AFF1: variants seen among roughly 807,000 people sequenced by gnomAD.
AFF1 encodes the protein AF4/FMR2 family member 1.
AFF1 carries 48 observed loss-of-function variants against 121.7 expected under a neutral mutation model. The ratio of observed to expected loss-of-function variants is 0.39; its 90% confidence interval spans 0.31 to 0.50. The LOEUF is 0.50. AFF1 is among the 20% of genes least tolerant of loss of function. AFF1 has a pLI of 0.76. For synonymous variants in AFF1, 613 were observed against 563.0 expected, an observed-to-expected ratio of 1.09 and a Z score of -1.26; for missense variants, 1,523 against 1,511.7, an observed-to-expected ratio of 1.01 and a Z score of -0.12.
At chr4:86,954,765 T>C (rs3109038) in intron 2 of AFF1, among the ~76,000 whole-genome samples, 49,476 of 152,090 alleles carry the variant, frequency 0.33, 9,583 homozygotes, top group South Asian at 0.51. Context: ...TACTGTTCAT[T>C]AAGTGGAAGT....
chr4:87,002,489 T>G (rs959534086), intron 2 of AFF1, among the ~76,000 whole-genome samples: 4 of 132,868 alleles, frequency 3.0e-5, no homozygotes, highest in Non-Finnish European at 6.1e-5. Context: ...TGGAGTGCAG[T>G]GGTGCGATCT....
chr4:87,028,567 C>T (rs1267524364), intron 2 of AFF1, among the ~76,000 whole-genome samples: 1 of 151,780 alleles, frequency 6.6e-6, no homozygotes, highest in African/African-American at 2.4e-5. Context: ...TTGATAATAC[C>T]TCATTTTGTA....
intron 14 of AFF1, 34 bp from the exon 15 acceptor site, chr4:87,126,992 G>C: frequency 6.4e-7 from 1 of 1,567,484 alleles, no homozygotes; most frequent in Non-Finnish European, 8.8e-7. Flanking sequence ...TTAAATGTTA[G>C]AGTGTAATCT....
At chr4:87,046,119 G>C (rs1560569958) in intron 2 of AFF1, 47 bp from the exon 3 acceptor site, 1 of 1,605,440 alleles carries the variant, frequency 6.2e-7, no homozygotes, top group Non-Finnish European at 8.5e-7. Context: ...AAAACTTGGA[G>C]ACTGATAAAT....
intron 12 of AFF1, among the ~76,000 whole-genome samples, chr4:87,119,749 T>C (rs1040061793): frequency 6.6e-6 from 1 of 152,208 alleles, no homozygotes; most frequent in Non-Finnish European, 1.5e-5. Flanking sequence ...GGAGGTGCAT[T>C]CATTCAAATC....
At chr4:87,028,100 CA>C (rs1202290021) in intron 2 of AFF1, among the ~76,000 whole-genome samples, 13 of 152,118 alleles carry the variant, frequency 8.5e-5, no homozygotes, top group Middle Eastern at 3.4e-3. Flanking sequence ...AATTGAAACC[CA>C]AAACACTTAA....
chr4:86,959,157 T>A (rs1329100533), intron 2 of AFF1, among the ~76,000 whole-genome samples: 5 of 152,182 alleles, frequency 3.3e-5, no homozygotes, highest in Non-Finnish European at 7.3e-5. Flanking sequence ...TGTCAGCCTA[T>A]CCCATGTATT....
In AFF1 at chr4:86,991,156, CA is replaced by C. The variant is rs55706171; in HGVS notation, c.38+42594del. On this transcript the variant is annotated intron_variant, in intron 2 of 20. Transcript: ENST00000395146. Reference sequence around the variant, plus strand: ...CTCTGTCTCAAAACAAAAAACAAAACAAAAAAAAACCGGCGCAGTGGCTCAC... The same window carrying C: ...CTCTGTCTCAAAACAAAAAACAAAACAAAAAAAACCGGCGCAGTGGCTCAC... Among the ~76,000 whole-genome samples the C allele has an allele frequency of 5.2e-3, 755 of 145,250 alleles. 3 individuals carry two copies. The highest frequency in any genetic ancestry group is 0.02 in the Middle Eastern group (5 of 244).
intron 2 of AFF1, among the ~76,000 whole-genome samples, chr4:87,020,414 G>C (rs533208911): frequency 6.6e-6 from 1 of 152,324 alleles, no homozygotes; most frequent in South Asian, 2.1e-4. Context: ...TGGACTAAGA[G>C]ATGAATAAAA....
At chr4:86,937,812 A>G (rs1026425146) in intron 1 of AFF1, among the ~76,000 whole-genome samples, 1 of 151,682 alleles carries the variant, frequency 6.6e-6, no homozygotes, top group Admixed American at 6.6e-5. Flanking sequence ...TCCCTATGTT[A>G]CCCAGGTGGG....
rs568858131 is a variant in AFF1, at chr4:87,132,324, T to C, written c.3227T>C (p.Ile1076Thr). 1.2e-6 allele frequency: 2 copies of C among 1,613,446 alleles called. No individual in the cohort carries two copies. Among genetic ancestry groups the C allele is most frequent in the Non-Finnish European group, 1.7e-6 (2 of 1,179,796 alleles). Residue 1076 changes from isoleucine to threonine, a missense_variant, in exon 19 of 21, where the codon ATA becomes ACA. This residue lies in a region of AFF1 where 241 missense variants were observed against 265.2 expected (regional missense o/e 0.91). Coordinates refer to ENST00000395146, the MANE Select transcript of AFF1 (RefSeq NM_001166693.3). ...NMAMFRCKKD[I>T]AIKYSRTLNK... ...GCGATGTTTCGTTGTAAAAAAGACA[T>C]AGCAATAAAGTATTCTCGTACTCTT...
intron 2 of AFF1, among the ~76,000 whole-genome samples, chr4:87,012,213 A>ATT (rs765399392): frequency 1.3e-5 from 1 of 78,812 alleles, no homozygotes; most frequent in South Asian, 3.5e-4. Context: ...TCTCCATTTC[A>ATT]TTTCTTGTTT....
intron 4 of AFF1, chr4:87,047,954 T>G (rs1000531674): frequency 2.5e-5 from 7 of 279,230 alleles, no homozygotes; most frequent in Non-Finnish European, 4.2e-5. Context: ...CCAGAAAGTT[T>G]CAGGAAGGTT....
rs201052197 is a variant in AFF1, at chr4:87,047,016, C to A, written c.481C>A (p.Pro161Thr). 3 of 1,614,214 alleles carry A rather than the reference C, an allele frequency of 1.9e-6. No individual in the cohort carries two copies. In the Admixed American group the frequency reaches 5.0e-5, roughly 27 times the overall value. The change falls in exon 4 of 21, where the codon CCG becomes ACG. Residue 161 changes from proline (P) to threonine (T), a missense_variant. Pro to Thr is a conservative substitution (Grantham distance 38, BLOSUM62 -1). Around this residue, in one of 5 missense-constraint regions of AFF1, gnomAD observed 369 missense variants for 367.2 expected, o/e 1.00. Coordinates refer to ENST00000395146, the MANE Select transcript of AFF1 (RefSeq NM_001166693.3). ...PSLHAKSCGP[P>T]DSQHLTQDRL... ...TCTCCATGCCAAAAGCTGCGGCCCA[C>A]CGGACAGCCAGCACCTGACCCAGGA...
At position 86,954,532 on chromosome 4, in the gene AFF1, C is replaced by T. The variant is rs960074790; in HGVS notation, c.38+5961C>T. Among the ~76,000 whole-genome samples, 8 of 152,176 alleles carry T rather than the reference C, an allele frequency of 5.3e-5. No homozygotes were observed. In the East Asian group the frequency reaches 1.5e-3, roughly 29 times the overall value. ...AGTCCAGGAATTCATTCGAGACCAG[C>T]CTGGGCAACATGGTTAAACCCTGTC... On this transcript the variant is annotated intron_variant, in intron 2 of 20. Coordinates refer to ENST00000395146, the MANE Select transcript of AFF1 (RefSeq NM_001166693.3).
intron 2 of AFF1, among the ~76,000 whole-genome samples, chr4:86,970,299 G>A (rs980187444): frequency 6.6e-6 from 1 of 152,032 alleles, no homozygotes; most frequent in South Asian, 2.1e-4. Context: ...ACCAGCGTGG[G>A]TAACATGGCA....
At chr4:87,104,344 G>T (rs1725703744) in intron 8 of AFF1, among the ~76,000 whole-genome samples, 1 of 152,230 alleles carries the variant, frequency 6.6e-6, no homozygotes, top group Non-Finnish European at 1.5e-5. Context: ...GGCAGAGGTT[G>T]CAGTAAGCCA....
chr4:87,018,412 A>G (rs997247010), intron 2 of AFF1, among the ~76,000 whole-genome samples: 2 of 152,160 alleles, frequency 1.3e-5, no homozygotes, highest in African/African-American at 4.8e-5. Flanking sequence ...GGCCAGGAGA[A>G]CCTCTGAGGA....
chr4:87,040,871 CTTTTT>C (rs780348229), intron 2 of AFF1, among the ~76,000 whole-genome samples: 2 of 67,106 alleles, frequency 3.0e-5, no homozygotes, highest in Non-Finnish European at 5.0e-5. Flanking sequence ...CCATGCCCTG[CTTTTT>C]TTTTTTTTTT....
Sources: gnomAD v4.1 joint callset for allele counts (sites outside exome capture counted in the v4.1 genomes callset) on GRCh38, gnomAD v4.1.1 for gene constraint, gnomAD v4.1.1 regional missense constraint, MANE v1.5 for transcripts, NCBI Gene and HGNC (gene_info 2026-07-23, HGNC 2026-07-21) for gene names.